Variants in BARD1 observed in about 807,000 individuals in gnomAD.
BARD1 encodes BRCA1-associated RING domain protein 1.
Under a neutral mutation model 77.0 loss-of-function variants are expected in BARD1, and 73 were observed. That is an observed-to-expected ratio of 0.95 (90% CI 0.79 to 1.15). The LOEUF is 1.15. Ranked by LOEUF, BARD1 falls within the 50% of genes most tolerant of loss-of-function variation. The pLI, the probability that BARD1 is intolerant of heterozygous loss-of-function variation, is 0.00. For missense variants in BARD1, 993 were observed against 938.8 expected, an observed-to-expected ratio of 1.06 and a Z score of -0.75; for synonymous variants, 384 against 338.0, an observed-to-expected ratio of 1.14 and a Z score of -1.49.
chr2:214,773,066 T>A (rs540051111), intron 4 of BARD1, among the ~76,000 whole-genome samples: 1 of 152,334 alleles, frequency 6.6e-6, no homozygotes, highest in East Asian at 1.9e-4. Context: ...AGAGTGTGTG[T>A]GTGTCCCACT....
intron 6 of BARD1, 116 bp from the exon 7 acceptor site, chr2:214,752,671 T>G: frequency 1.3e-6 from 1 of 772,676 alleles, no homozygotes; most frequent in Non-Finnish European, 2.2e-6. Context: ...GAACTCATAT[T>G]AGGCAGAAGA....
rs587780029 is a variant in BARD1, at chr2:214,728,789, C to G, written c.2221G>C (p.Asp741His). 2 of 1,614,190 alleles carry G rather than the reference C, an allele frequency of 1.2e-6. No individual in the cohort carries two copies. Among genetic ancestry groups the G allele is most frequent in the Non-Finnish European group, 1.7e-6 (2 of 1,180,036 alleles). The change falls in exon 11 of 11, where the codon GAT becomes CAT. Residue 741 changes from aspartate (D) to histidine (H), a missense_variant. Transcript: ENST00000260947. ...RFCTQYIIYE[D>H]LCNYHPERVR... ...CTCTCTGGGTGATAATTACACAAAT[C>G]TTCATAGATGATATACTGTGTGCAG...
chr2:214,777,549 T>C (rs1004982140), intron 4 of BARD1, among the ~76,000 whole-genome samples: 4 of 151,446 alleles, frequency 2.6e-5, no homozygotes, highest in East Asian at 3.9e-4. Context: ...TAAACAACTT[T>C]AGGCCACTTG....
intron 2 of BARD1, among the ~76,000 whole-genome samples, chr2:214,795,877 G>A (rs541412859): frequency 2.0e-4 from 31 of 152,206 alleles, no homozygotes; most frequent in Non-Finnish European, 4.0e-4. Flanking sequence ...CCAAACAGAC[G>A]TATCTGGTAG....
At chr2:214,770,121 T>C (rs1027196787) in intron 4 of BARD1, among the ~76,000 whole-genome samples, 7 of 152,190 alleles carry the variant, frequency 4.6e-5, no homozygotes, top group Non-Finnish European at 1.0e-4. Flanking sequence ...TTCAACATTT[T>C]CTAGGAAGCA....
intron 1 of BARD1, among the ~76,000 whole-genome samples, chr2:214,799,769 C>G (rs180771103): frequency 3.3e-5 from 5 of 152,258 alleles, no homozygotes; most frequent in Non-Finnish European, 7.4e-5. Context: ...TCTTCCCTTT[C>G]TTGAACAGAT....
intron 4 of BARD1, among the ~76,000 whole-genome samples, chr2:214,777,633 G>A (rs1694791530): frequency 6.6e-6 from 1 of 152,152 alleles, no homozygotes; most frequent in Non-Finnish European, 1.5e-5. Context: ...TCTTTTGACA[G>A]CACAAAACCT....
intron 6 of BARD1, among the ~76,000 whole-genome samples, chr2:214,767,025 T>A (rs550551354): frequency 2.0e-5 from 3 of 152,134 alleles, no homozygotes; most frequent in Non-Finnish European, 4.4e-5. Flanking sequence ...CTTCTTTGTG[T>A]TCATGAATTC....
chr2:214,745,822 A>G lies in BARD1; in HGVS notation c.1710T>C (p.Leu570=). 6.2e-7 allele frequency: 1 copy of G among 1,614,096 alleles called. No homozygotes were observed. Among genetic ancestry groups the G allele is most frequent in the Non-Finnish European group, 8.5e-7 (1 of 1,179,994 alleles). The change falls in exon 8 of 11, where the codon CTT becomes CTC. Residue 570 remains leucine (L), a synonymous_variant. Transcript: ENST00000260947. Reference sequence around the variant, plus strand: ...AAGACAGCCCACTGCCTATAAGTACAAGAGGTCCATCCCTACGCTGCCCAG... The same window carrying G: ...AAGACAGCCCACTGCCTATAAGTACGAGAGGTCCATCCCTACGCTGCCCAG... ...MNTGQRRDGP[L]VLIGSGLSSE... is the part of the protein sequence containing the mutation.
intron 3 of BARD1, among the ~76,000 whole-genome samples, chr2:214,791,470 T>G (rs544848662): frequency 6.6e-6 from 1 of 152,164 alleles, no homozygotes; most frequent in Non-Finnish European, 1.5e-5. Flanking sequence ...CACACTAAAA[T>G]AGCATGATCT....
intron 4 of BARD1, among the ~76,000 whole-genome samples, chr2:214,779,968 T>C (rs1694903646): frequency 6.6e-6 from 1 of 152,158 alleles, no homozygotes; most frequent in African/African-American, 2.4e-5. Flanking sequence ...CATAAAACGC[T>C]GCCACATCTC....
At chr2:214,761,579 T>C (rs533594485) in intron 6 of BARD1, among the ~76,000 whole-genome samples, 1 of 152,240 alleles carries the variant, frequency 6.6e-6, no homozygotes, top group African/African-American at 2.4e-5. Context: ...GGTGGGAGGA[T>C]CGCTTGAGCC....
At chr2:214,765,948 A>G (rs1002859186) in intron 6 of BARD1, among the ~76,000 whole-genome samples, 2 of 152,224 alleles carry the variant, frequency 1.3e-5, no homozygotes, top group Non-Finnish European at 2.9e-5. Flanking sequence ...ATAAAAAATT[A>G]CGACCTAGAA....
At position 214,809,680 on chromosome 2, in the gene BARD1, G is replaced by C; in HGVS notation, c.-111C>G. The stretch of plus-strand genomic sequence containing the variant: ...TCGAAACCGGCCAAGCTCTTCCCGC[G>C]TCTGGGACGGCGGGCCGCCAGAGGG... On this transcript the variant is annotated 5_prime_UTR_variant, in exon 1 of 11. Coordinates refer to ENST00000260947, the MANE Select transcript of BARD1 (RefSeq NM_000465.4). The C allele has an allele frequency of 1.4e-6, 2 of 1,416,882 alleles. No individual in the cohort carries two copies. The allele number at this position is 1,416,882 out of a possible 1,614,324, so 87.8% of individuals were successfully genotyped here.
chr2:214,770,681 C>T (rs1694440541), intron 4 of BARD1, among the ~76,000 whole-genome samples: 1 of 152,166 alleles, frequency 6.6e-6, no homozygotes, highest in South Asian at 2.1e-4. Context: ...CTAAATCCTA[C>T]TATAAATGAG....
At chr2:214,790,310 A>C (rs1695458495) in intron 3 of BARD1, among the ~76,000 whole-genome samples, 1 of 152,164 alleles carries the variant, frequency 6.6e-6, no homozygotes, top group African/African-American at 2.4e-5. Flanking sequence ...AGTAACTTAG[A>C]ATGTGACTTT....
chr2:214,777,428 T>G (rs190152227), intron 4 of BARD1, among the ~76,000 whole-genome samples: 1 of 152,332 alleles, frequency 6.6e-6, no homozygotes, highest in East Asian at 1.9e-4. Flanking sequence ...AAACTCCTGC[T>G]GGGTTCTCTG....
chr2:214,745,995 C>T (rs930925968), intron 7 of BARD1, 141 bp from the exon 8 acceptor site: 5 of 997,484 alleles, frequency 5.0e-6, no homozygotes, highest in Non-Finnish European at 7.4e-6. Flanking sequence ...ATTGAATCTA[C>T]ACCCAGAACC....
At position 214,780,669 on chromosome 2, in the gene BARD1, G is replaced by T. The variant is rs796666047; in HGVS notation, c.1205C>A (p.Ser402Ter). Residue 402 changes from serine (S) to a stop codon, truncating the protein, a stop_gained, in exon 4 of 11, where the codon TCA (serine) becomes TAA (stop). Coordinates refer to ENST00000260947, the MANE Select transcript of BARD1 (RefSeq NM_000465.4). LOFTEE classifies it high-confidence loss of function. ...ACTAGACATCACTCGCCTGTAACTT[G>T]AACTACTTAATGTAGAAGGTGGTGT... ...PGTPPSTLSS[S>*]SYRRVMSSPS... The T allele has an allele frequency of 6.2e-7, 1 of 1,614,096 alleles. No individual in the cohort carries two copies.
Sources: gnomAD v4.1 joint callset for allele counts (sites outside exome capture counted in the v4.1 genomes callset) on GRCh38, gnomAD v4.1.1 for gene constraint, MANE v1.5 for transcripts, NCBI Gene and HGNC (gene_info 2026-07-23, HGNC 2026-07-21) for gene names.